Variants in FMNL2 observed in about 807,000 individuals in gnomAD.
FMNL2 encodes formin-like protein 2.
A neutral mutation model predicts 130.2 loss-of-function variants in FMNL2; 51 were observed. The ratio of observed to expected loss-of-function variants is 0.39; its 90% CI spans 0.31 to 0.49. FMNL2 has a LOEUF of 0.49. Among genes scored for constraint, FMNL2 ranks in the 20% least tolerant of loss-of-function variants. The pLI, the probability that FMNL2 is intolerant of heterozygous loss-of-function variation, is 0.85. For synonymous variants in FMNL2, 465 were observed against 467.1 expected (o/e 1.00, Z 0.06); for missense variants, 977 against 1,316.2 (o/e 0.74, Z 3.99).
Position 152,614,740 on chromosome 2 carries a change from C to CACAAA in FMNL2, c.1063-111_1063-110insACAAA, listed in dbSNP as rs1464132971. Reference sequence around the variant, plus strand: ...CCTGGGTGACAGAGTGAAACTCCATCTCAAAACAAAACAAAACAAAACAAA... The same window carrying CACAAA: ...CCTGGGTGACAGAGTGAAACTCCATCACAAATCAAAACAAAACAAAACAAAACAAA... On this transcript the variant is annotated intron_variant, in intron 11 of 25. Transcript: ENST00000288670. 1.5e-5 allele frequency: 11 copies of CACAAA among 723,898 alleles called. No individual in the cohort carries two copies. The African/African-American group carries it at 1.8e-4, about 12-fold the overall frequency. 44.8% of individuals were successfully genotyped at this position (723,898 alleles called of 1,614,324 possible). A position where few individuals can be genotyped will look rare whatever the true frequency, so the allele number is the denominator to read the frequency against.
Position 152,335,600 on chromosome 2 carries a change from C to G in FMNL2, c.-4C>G. 1 of 1,583,468 alleles carries G rather than the reference C, an allele frequency of 6.3e-7. No individual in the cohort carries two copies. The highest frequency in any genetic ancestry group is 8.6e-7 in the Non-Finnish European group (1 of 1,164,942). Reference sequence around the variant, plus strand: ...GCAGCCCCCGGCCCCGGCGCGCCGCCGACATGGGCAACGCAGGGAGCATGG... The same window carrying G: ...GCAGCCCCCGGCCCCGGCGCGCCGCGGACATGGGCAACGCAGGGAGCATGG... On this transcript the variant is annotated 5_prime_UTR_variant, in exon 1 of 26. Transcript: ENST00000288670.
intron 1 of FMNL2, among the ~76,000 whole-genome samples, chr2:152,358,452 C>A (rs1682969922): frequency 1.3e-5 from 2 of 152,014 alleles, no homozygotes; most frequent in Non-Finnish European, 1.5e-5. Context: ...GAGTTTGAGA[C>A]CACCCTGGCC....
rs771369634 is a variant in FMNL2 at position 152,619,537 on chromosome 2, G to A, written c.1656G>A (p.Met552Ile). The part of the protein sequence containing the change: ...TVQNGPVTPP[M>I]PPPPPPPPPP... ...AAAATGGTCCAGTAACACCACCTAT[G>A]CCACCGCCGCCGCCGCCCCCTCCTC... Residue 552 changes from methionine to isoleucine, a missense_variant, in exon 15 of 26, where the codon ATG becomes ATA. By Grantham distance (10) the Met-to-Ile change is conservative. Coordinates refer to ENST00000288670, the MANE Select transcript of FMNL2 (RefSeq NM_052905.4). The A allele has an allele frequency of 1.7e-5, 25 of 1,445,118 alleles. No homozygotes were observed. The highest frequency in any genetic ancestry group is 2.3e-5 in the African/African-American group (1 of 42,576). 89.5% of individuals were successfully genotyped at this position (1,445,118 alleles called of 1,614,324 possible).
At chr2:152,613,612 G>T (rs1487120401) in intron 11 of FMNL2, among the ~76,000 whole-genome samples, 1 of 152,142 alleles carries the variant, frequency 6.6e-6, no homozygotes, top group African/African-American at 2.4e-5. Flanking sequence ...AAAAATGTAA[G>T]ATTTTTTGTC....
chr2:152,479,797 G>A (rs1420711850), intron 1 of FMNL2, among the ~76,000 whole-genome samples: 2 of 135,424 alleles, frequency 1.5e-5, no homozygotes, highest in Non-Finnish European at 3.1e-5. Context: ...TGCAACCTCC[G>A]CCTCCAGGGT....
rs1479509006 is a variant in FMNL2, at chr2:152,614,708, A to ACTCCAGC, written c.1063-140_1063-134dup. The ACTCCAGC allele has an allele frequency of 2.1e-5, 16 of 753,842 alleles. No homozygotes were observed. The Admixed American group carries it at 6.0e-4, about 28-fold the overall frequency. 46.7% of individuals were successfully genotyped at this position (753,842 alleles called of 1,614,324 possible). On this transcript the variant is annotated intron_variant, in intron 11 of 25. Transcript: ENST00000288670. ...CAGTGAGCTGAAATCATACCATTCC[A>ACTCCAGC]CTCCAGCCTGGGTGACAGAGTGAAA...
At chr2:152,528,866 C>A (rs533779148) in intron 2 of FMNL2, among the ~76,000 whole-genome samples, 3 of 152,294 alleles carry the variant, frequency 2.0e-5, no homozygotes, top group Admixed American at 2.0e-4. Flanking sequence ...CAACACACAG[C>A]TTCCCCTTCA....
chr2:152,464,334 T>G (rs917473113), intron 1 of FMNL2, among the ~76,000 whole-genome samples: 1 of 152,252 alleles, frequency 6.6e-6, no homozygotes, highest in Non-Finnish European at 1.5e-5. Context: ...TATTCTTAAC[T>G]CCTTTGGCTG....
chr2:152,514,442 C>A (rs114037724), intron 1 of FMNL2, among the ~76,000 whole-genome samples: 2,309 of 152,238 alleles, frequency 0.015, 52 homozygotes, highest in African/African-American at 0.048. Context: ...TTGTTCATAT[C>A]TTTCCTTTTA....
intron 1 of FMNL2, among the ~76,000 whole-genome samples, chr2:152,455,458 CT>C (rs931464136): frequency 7.9e-5 from 12 of 152,104 alleles, no homozygotes; most frequent in African/African-American, 2.9e-4. Flanking sequence ...GAGGAAAGCT[CT>C]TGTTTGAAAT....
At chr2:152,617,368 T>A (rs183783335) in intron 13 of FMNL2, among the ~76,000 whole-genome samples, 176 bp downstream of exon 13, 2 of 152,370 alleles carry the variant, frequency 1.3e-5, no homozygotes, top group East Asian at 3.9e-4. Flanking sequence ...GCGTTATGTA[T>A]ACACATGTGT....
chr2:152,402,039 C>T (rs903241402), intron 1 of FMNL2, among the ~76,000 whole-genome samples: 6 of 151,616 alleles, frequency 4.0e-5, no homozygotes, highest in Admixed American at 3.9e-4. Context: ...TCCTGAGTAG[C>T]TGGGACTACA....
chr2:152,401,283 TGTGTCCTG>T (rs1685680299), intron 1 of FMNL2, among the ~76,000 whole-genome samples: 2 of 152,240 alleles, frequency 1.3e-5, no homozygotes, highest in African/African-American at 4.8e-5. Context: ...TTAATTTAAA[TGTGTCCTG>T]TCAAAGAAAA....
chr2:152,641,984 A>T (rs1683123163), intron 25 of FMNL2, among the ~76,000 whole-genome samples: 1 of 150,978 alleles, frequency 6.6e-6, no homozygotes, highest in African/African-American at 2.4e-5. Context: ...TCTGTTGCCC[A>T]GGCTGGAGTG....
intron 4 of FMNL2, among the ~76,000 whole-genome samples, chr2:152,555,087 A>G (rs2346186): frequency 0.79 from 119,515 of 152,184 alleles, 47,230 homozygotes; most frequent in African/African-American, 0.86. Flanking sequence ...ACAATAAATA[A>G]GTGTCTTCTT....
rs754677421 is a variant in FMNL2, at chr2:152,593,892, TGTGTGTGTGTGAGA to T, written c.876+12845_876+12858del. Among the ~76,000 whole-genome samples the T allele has an allele frequency of 1.8e-3, 206 of 113,358 alleles. 2 individuals carry two copies. Among genetic ancestry groups the T allele is most frequent in the East Asian group, 6.5e-3 (25 of 3,828 alleles). The allele number at this position is 113,358 out of a possible 152,430, so 74.4% of individuals were successfully genotyped here. On this transcript the variant is annotated intron_variant, in intron 9 of 25. Transcript: ENST00000288670. ...GTGTGTGTGTGTGTGTGTGTGTGTG[TGTGTGTGTGTGAGA>T]GAGAGAGAGAGAGAGAGAGAGCGAG...
chr2:152,598,735 G>T (rs1697890829), intron 9 of FMNL2, among the ~76,000 whole-genome samples: 2 of 152,294 alleles, frequency 1.3e-5, no homozygotes, highest in African/African-American at 4.8e-5. Flanking sequence ...GAAATGGAAG[G>T]TATTTTGGCT....
At chr2:152,412,466 AT>A (rs1204540825) in intron 1 of FMNL2, among the ~76,000 whole-genome samples, 24 of 11,946 alleles carry the variant, frequency 2.0e-3, no homozygotes, top group Non-Finnish European at 4.3e-3. Context: ...ATATATATAT[AT>A]ATATATATAT....
At chr2:152,488,175 T>C (rs1416250583) in intron 1 of FMNL2, among the ~76,000 whole-genome samples, 1 of 152,202 alleles carries the variant, frequency 6.6e-6, no homozygotes, top group East Asian at 1.9e-4. Flanking sequence ...CTGGGTCCTG[T>C]TGGGGTTTGT....
Sources: allele counts gnomAD v4.1 joint callset (sites outside exome capture counted in the v4.1 genomes callset), GRCh38; gene constraint gnomAD v4.1.1; transcripts MANE v1.5; gene names NCBI Gene and HGNC (gene_info 2026-07-23, HGNC 2026-07-21).